Variants in MYO16 observed in about 807,000 individuals in gnomAD.
MYO16 encodes myosin XVI, also known as unconventional myosin-XVI.
In MYO16, 94 loss-of-function variants were observed where a neutral mutation model predicts 205.3. The ratio of observed to expected loss-of-function variants is 0.46; its 90% CI spans 0.39 to 0.54. The LOEUF (loss-of-function observed/expected upper bound fraction) is 0.54, where lower values mean the gene tolerates loss of function less well. MYO16 is among the 20% of genes least tolerant of loss of function. The pLI is 0.00. For missense variants in MYO16, 2,315 were observed against 2,387.5 expected (o/e 0.97, Z 0.63); for synonymous variants, 988 against 954.0 (o/e 1.04, Z -0.66).
intron 33 of MYO16, among the ~76,000 whole-genome samples, chr13:109,178,903 C>T (rs1242608558): frequency 6.6e-6 from 1 of 152,180 alleles, no homozygotes; most frequent in Non-Finnish European, 1.5e-5. Flanking sequence ...CATTTGGTGC[C>T]TCATAGTAAC....
intron 21 of MYO16, among the ~76,000 whole-genome samples, chr13:109,000,852 CAGTT>C (rs1254924335): frequency 6.6e-6 from 1 of 151,852 alleles, no homozygotes; most frequent in Non-Finnish European, 1.5e-5. Flanking sequence ...TAAATTTAGC[CAGTT>C]AGTTTGTAGT....
chr13:108,787,544 G>C (rs890143387), intron 5 of MYO16, among the ~76,000 whole-genome samples: 3 of 152,090 alleles, frequency 2.0e-5, no homozygotes, highest in Non-Finnish European at 2.9e-5. Context: ...TCGTTTGATA[G>C]GAAATTTTAG....
rs961884217 is a variant in MYO16 at position 109,141,920 on chromosome 13, G to T, written c.5164+544G>T. ...TTTGGGATGAACTGCTTTTCTTCTGGTCGTATGCCATCCAAGGAGCACTCT... is the reference window on the plus strand; with the variant it reads ...TTTGGGATGAACTGCTTTTCTTCTGTTCGTATGCCATCCAAGGAGCACTCT... On this transcript the variant is annotated intron_variant, in intron 32 of 34. Coordinates refer to ENST00000457511, the MANE Select transcript of MYO16 (RefSeq NM_001198950.3). This position sits in a 1 kb window ranked among gnomAD's most constrained non-coding sequence, Gnocchi z 4.1. 6.6e-6 allele frequency among the ~76,000 whole-genome samples: 1 copy of T among 152,034 alleles called. No homozygotes were observed. Among genetic ancestry groups the T allele is most frequent in the Non-Finnish European group, 1.5e-5 (1 of 68,008 alleles).
intron 16 of MYO16, among the ~76,000 whole-genome samples, chr13:108,926,407 A>G (rs1882007657): frequency 6.6e-6 from 1 of 152,206 alleles, no homozygotes; most frequent in South Asian, 2.1e-4. Flanking sequence ...AAATTGTTCA[A>G]AGTCTAAGTC....
At chr13:108,879,072 G>C (rs1238016963) in intron 12 of MYO16, among the ~76,000 whole-genome samples, 1 of 152,160 alleles carries the variant, frequency 6.6e-6, no homozygotes, top group African/African-American at 2.4e-5. Context: ...CAGGTGGGTG[G>C]TACTCAGCTC....
the MYO16 span, among the ~76,000 whole-genome samples, chr13:108,567,480 G>C: frequency 6.6e-6 from 1 of 152,166 alleles, no homozygotes; most frequent in Non-Finnish European, 1.5e-5. Context: ...TTGAAAACAT[G>C]AGGAAATGTG....
At chr13:109,161,811 G>A (rs536839687) in intron 32 of MYO16, among the ~76,000 whole-genome samples, 1 of 152,306 alleles carries the variant, frequency 6.6e-6, no homozygotes, top group South Asian at 2.1e-4. Flanking sequence ...GCATGTCATG[G>A]TGGCCGAGCA....
intron 34 of MYO16, among the ~76,000 whole-genome samples, chr13:109,203,404 A>G (rs941681458): frequency 6.6e-6 from 1 of 152,070 alleles, no homozygotes; most frequent in African/African-American, 2.4e-5. Context: ...TTTTTTATTC[A>G]GTGTAGAATT....
chr13:108,635,790 G>A (rs562416156), intron 1 of MYO16, among the ~76,000 whole-genome samples: 4 of 152,172 alleles, frequency 2.6e-5, no homozygotes, highest in African/African-American at 7.2e-5. Context: ...ATGAGCCACC[G>A]TGCCCAGCCA....
At chr13:109,120,504 G>C (rs778191827) in intron 29 of MYO16, 38 bp downstream of exon 29, 1 of 1,514,868 alleles carries the variant, frequency 6.6e-7, no homozygotes, top group East Asian at 2.3e-5. Flanking sequence ...ATTTATTTGA[G>C]TTGTGAAATG....
intron 4 of MYO16, among the ~76,000 whole-genome samples, chr13:108,734,171 C>T (rs896879481): frequency 6.6e-6 from 1 of 151,426 alleles, no homozygotes; most frequent in Non-Finnish European, 1.5e-5. Context: ...TGTTTGCAGG[C>T]ACCTTATTTA....
At chr13:109,101,532 C>G (rs1034533283) in intron 28 of MYO16, 2 of 152,164 alleles carry the variant, frequency 1.3e-5, no homozygotes, top group African/African-American at 2.4e-5. Context: ...AAATTACAGG[C>G]AAATGTTTAC....
chr13:108,883,248 T>G (rs1879707691), intron 13 of MYO16, 62 bp downstream of exon 13: 22 of 1,566,316 alleles, frequency 1.4e-5, no homozygotes, highest in Non-Finnish European at 1.7e-5. Flanking sequence ...GCAGTAAAGA[T>G]GTACTCATTT....
chr13:108,650,396 G>C (rs1041150081), intron 1 of MYO16, among the ~76,000 whole-genome samples: 24 of 152,202 alleles, frequency 1.6e-4, no homozygotes, highest in African/African-American at 5.3e-4. Context: ...AAGGGCTTCT[G>C]TTTCTATAGG....
At chr13:109,014,640 C>T (rs1289910171) in intron 22 of MYO16, among the ~76,000 whole-genome samples, 2 of 152,172 alleles carry the variant, frequency 1.3e-5, no homozygotes, top group Admixed American at 6.5e-5. Flanking sequence ...TCTTTTATTT[C>T]ATTGAGCAGT....
chr13:108,668,476 T>C, intron 2 of MYO16, among the ~76,000 whole-genome samples: 1 of 152,206 alleles, frequency 6.6e-6, no homozygotes, highest in East Asian at 1.9e-4. Flanking sequence ...AGCGTAAGTA[T>C]TACCTTACAG....
chr13:108,869,778 A>G (rs980083362), intron 12 of MYO16, among the ~76,000 whole-genome samples: 1 of 150,114 alleles, frequency 6.7e-6, no homozygotes, highest in Non-Finnish European at 1.5e-5. Flanking sequence ...CACATAAAAA[A>G]TCTTACCTTA....
chr13:108,582,814 G>A, the MYO16 span, among the ~76,000 whole-genome samples: 2 of 152,082 alleles, frequency 1.3e-5, no homozygotes, highest in Non-Finnish European at 2.9e-5. Flanking sequence ...ACACGGGCTG[G>A]GTTATTATTT....
chr13:108,721,233 G>A (rs186837325), intron 3 of MYO16, among the ~76,000 whole-genome samples: 3 of 152,334 alleles, frequency 2.0e-5, no homozygotes, highest in Admixed American at 2.0e-4. Context: ...CACGGTCAAA[G>A]CTTTGGACAA....
Sources: gnomAD v4.1 joint callset for allele counts (sites outside exome capture counted in the v4.1 genomes callset) on GRCh38, gnomAD v4.1.1 for gene constraint, Gnocchi (gnomAD v3.1) non-coding constraint, MANE v1.5 for transcripts, NCBI Gene and HGNC (gene_info 2026-07-23, HGNC 2026-07-21) for gene names.